Variants in TTC23L observed in about 807,000 individuals in gnomAD.
The protein encoded by TTC23L is tetratricopeptide repeat domain 23 like.
A neutral mutation model predicts 48.1 loss-of-function variants in TTC23L; 42 were observed. The observed-to-expected ratio is 0.87, with a 90% CI of 0.68 to 1.13. TTC23L has a LOEUF of 1.13. Among genes scored for constraint, TTC23L ranks in the 50% most tolerant of loss-of-function variants. The probability of loss-of-function intolerance (pLI) is 0.00; values close to 1 mark genes in which losing one functional copy is unlikely to be tolerated. For synonymous variants in TTC23L, 159 were observed against 157.2 expected (o/e 1.01, Z -0.09); for missense variants, 391 against 421.0 (o/e 0.93, Z 0.62).
chr5:34,904,579 T>A, the TTC23L span, among the ~76,000 whole-genome samples: 5 of 146,616 alleles, frequency 3.4e-5, no homozygotes, highest in African/African-American at 1.0e-4. Context: ...GGCAACAGAG[T>A]GGGACTCCAT....
intron 3 of TTC23L, among the ~76,000 whole-genome samples, chr5:34,847,803 C>T (rs1033856940): frequency 6.6e-5 from 10 of 152,148 alleles, no homozygotes; most frequent in Non-Finnish European, 5.9e-5. Flanking sequence ...TTTCCTTCTA[C>T]CATTGCTTGC....
chr5:34,912,206 T>C, the TTC23L span, among the ~76,000 whole-genome samples: 3 of 152,372 alleles, frequency 2.0e-5, no homozygotes, highest in East Asian at 3.9e-4. Flanking sequence ...AACAGTGGAT[T>C]GCTGTCATCT....
At chr5:34,903,387 CCCT>C (rs538843602), downstream of TTC23L, among the ~76,000 whole-genome samples, 47 of 152,222 alleles carry the variant, frequency 3.1e-4, no homozygotes, top group East Asian at 6.2e-3. Flanking sequence ...CCCATTTACC[CCCT>C]ACCTGCACAC....
chr5:34,918,410 G>A, the TTC23L span: 12 of 1,603,864 alleles, frequency 7.5e-6, no homozygotes, highest in South Asian at 1.1e-5. Flanking sequence ...TCTTCCAGAG[G>A]AATAAATTTT....
At chr5:34,916,501 A>G in the TTC23L span, 1 of 152,214 alleles carries the variant, frequency 6.6e-6, no homozygotes, top group East Asian at 1.9e-4. Context: ...TGCAAAGATG[A>G]CTAGAATGTG....
chr5:34,854,012 A>G (rs1759902471), intron 4 of TTC23L, among the ~76,000 whole-genome samples: 1 of 152,234 alleles, frequency 6.6e-6, no homozygotes, highest in Non-Finnish European at 1.5e-5. Context: ...AGGTTGGCCT[A>G]GATCTTCTGA....
At chr5:34,909,901 C>T in the TTC23L span, among the ~76,000 whole-genome samples, 1 of 152,162 alleles carries the variant, frequency 6.6e-6, no homozygotes, top group Non-Finnish European at 1.5e-5. Flanking sequence ...TAGCACGTTG[C>T]TAAGTATTAT....
chr5:34,918,422 G>T, the TTC23L span: 2 of 1,610,196 alleles, frequency 1.2e-6, no homozygotes, highest in South Asian at 2.2e-5. Context: ...ATAAATTTTA[G>T]AACAAGACAT....
intron 9 of TTC23L, among the ~76,000 whole-genome samples, chr5:34,887,669 T>TAAAAC (rs568464990): frequency 1.2e-3 from 180 of 152,250 alleles, no homozygotes; most frequent in African/African-American, 4.2e-3. Flanking sequence ...TCAAGATTGA[T>TAAAAC]AAACTTAAAA....
chr5:34,915,420 G>A, the TTC23L span: 196 of 280,218 alleles, frequency 7.0e-4, no homozygotes, highest in African/African-American at 4.1e-3. Flanking sequence ...CCCTACCTTT[G>A]CGGTGGGGTC....
rs1476710473 is a variant in TTC23L at position 34,899,387 on chromosome 5, T to TA, written c.*98-2dup. 2 of 152,654 alleles carry TA rather than the reference T, an allele frequency of 1.3e-5. No homozygotes were observed. The highest frequency in any genetic ancestry group is 4.8e-5 in the African/African-American group (2 of 41,444). The allele number at this position is 152,654 out of a possible 1,614,324, so 9.5% of individuals were successfully genotyped here. On this transcript the variant is annotated splice_region_variant and splice_polypyrimidine_tract_variant and intron_variant, in intron 10 of 10. Transcript: ENST00000505624. ...GCTCAAATGGTTTTCTCCTTTCCTC[T>TA]AGGTCTTCTGTTATCAAATTGAAAA...
the TTC23L span, chr5:34,924,974 T>C: frequency 3.1e-6 from 5 of 1,612,666 alleles, no homozygotes; most frequent in Admixed American, 3.3e-5. Flanking sequence ...TCACCAAACA[T>C]GGTAAGCGGT....
At chr5:34,923,444 A>G in the TTC23L span, 2 of 555,028 alleles carry the variant, frequency 3.6e-6, no homozygotes, top group Non-Finnish European at 6.4e-6. Context: ...CGCCTGGCTA[A>G]TTTTTGTAGT....
the TTC23L span, chr5:34,911,422 AG>A: frequency 9.4e-7 from 1 of 1,066,304 alleles, no homozygotes; most frequent in South Asian, 1.6e-5. Context: ...TTATGAGGTA[AG>A]AGTACAAGCT....
At chr5:34,898,665 T>G (rs142389139) in intron 10 of TTC23L, among the ~76,000 whole-genome samples, 179 of 152,342 alleles carry the variant, frequency 1.2e-3, no homozygotes, top group African/African-American at 4.2e-3. Flanking sequence ...GCCAGATAGC[T>G]TTCTATATTT....
the TTC23L span, among the ~76,000 whole-genome samples, chr5:34,924,352 T>C: frequency 1.3e-5 from 2 of 152,224 alleles, no homozygotes; most frequent in Admixed American, 6.5e-5. Context: ...CCTGAACTAA[T>C]AGATAACATA....
chr5:34,918,818 T>TTTTTTTTTTTTTTTTTTTA, the TTC23L span: 1 of 68,352 alleles, frequency 1.5e-5, no homozygotes, highest in Non-Finnish European at 4.0e-5. Flanking sequence ...TTTTTGGGCC[T>TTTTTTTTTTTTTTTTTTTA]TTTTTTTTTT....
At chr5:34,919,449 C>T in the TTC23L span, among the ~76,000 whole-genome samples, 23 of 151,810 alleles carry the variant, frequency 1.5e-4, no homozygotes, top group Non-Finnish European at 2.8e-4. Context: ...GTTTGTTACA[C>T]GGGCATAAAG....
At chr5:34,849,536 A>T (rs982540395) in intron 3 of TTC23L, among the ~76,000 whole-genome samples, 7 of 152,240 alleles carry the variant, frequency 4.6e-5, no homozygotes, top group South Asian at 2.1e-4. Flanking sequence ...ATGAAAAGAG[A>T]CTGATCTCAC....
Sources: allele counts gnomAD v4.1 joint callset (sites outside exome capture counted in the v4.1 genomes callset), GRCh38; gene constraint gnomAD v4.1.1; transcripts MANE v1.5; gene names NCBI Gene and HGNC (gene_info 2026-07-23, HGNC 2026-07-21).